The following CDKL4 variants were observed in gnomAD, a reference collection of about 807,000 sequenced individuals.
The protein encoded by CDKL4 is cyclin-dependent kinase-like 4.
Under a neutral mutation model 42.0 loss-of-function variants are expected in CDKL4, and 44 were observed. The observed-to-expected ratio is 1.05, with a 90% CI of 0.82 to 1.35. The LOEUF is 1.35. Ranked by LOEUF, CDKL4 falls within the 40% of genes most tolerant of loss-of-function variation. The pLI is 0.00. For missense variants in CDKL4, 393 were observed against 369.9 expected (o/e 1.06, Z -0.51); for synonymous variants, 120 against 121.6 (o/e 0.99, Z 0.09).
At chr2:39,186,526 T>C (rs1027112607) in intron 7 of CDKL4, among the ~76,000 whole-genome samples, 1 of 152,158 alleles carries the variant, frequency 6.6e-6, no homozygotes, top group Non-Finnish European at 1.5e-5. Flanking sequence ...AGGAAGTCAA[T>C]GTCTACAGAG....
At position 39,213,410 on chromosome 2, in the gene CDKL4, T is replaced by C. The variant is rs758789550; in HGVS notation, c.353A>G (p.His118Arg). 13 of 1,589,352 alleles carry C rather than the reference T, an allele frequency of 8.2e-6. 1 individual carries two copies. In the South Asian group the frequency reaches 1.3e-4, roughly 16 times the overall value. The change falls in exon 4 of 10, where the codon CAT becomes CGT. Residue 118 changes from histidine to arginine, a missense_variant. His to Arg is a conservative substitution (Grantham distance 29, BLOSUM62 0). Coordinates refer to ENST00000451199, the Ensembl canonical transcript of CDKL4. ...GAAAATGTTACTTACGTTATGTATA[T>C]GACAGAAATTAAGAGCTTGAAGTGT...
chr2:39,172,501 G>A (rs1438731505), downstream of CDKL4, among the ~76,000 whole-genome samples: 4 of 152,158 alleles, frequency 2.6e-5, no homozygotes, highest in African/African-American at 9.7e-5. Context: ...CCTGGGCAAC[G>A]CAGGCAGCAG....
chr2:39,226,188 T>C (rs1678702753), intron 2 of CDKL4, among the ~76,000 whole-genome samples: 1 of 151,828 alleles, frequency 6.6e-6, no homozygotes, highest in Non-Finnish European at 1.5e-5. Context: ...GGAAATTCTA[T>C]ATATACAAGT....
rs367830858 is a variant in CDKL4 at position 39,213,371 on chromosome 2, G to C, written c.363+29C>G. 96 of 1,368,446 alleles carry C rather than the reference G, an allele frequency of 7.0e-5. No individual in the cohort carries two copies. In the African/African-American group the frequency reaches 1.3e-3, roughly 18 times the overall value. 84.8% of individuals were successfully genotyped at this position (1,368,446 alleles called of 1,614,324 possible). On this transcript the variant is annotated intron_variant, in intron 4 of 9. Transcript: ENST00000451199. ...AAGAAAAGAGTCATCATGAAGAAAT[G>C]AATAAATACATTAGAAAATGTTACT...
chr2:39,176,065 T>C, exon 10 of CDKL4: 1 of 470,788 alleles, frequency 2.1e-6, no homozygotes, highest in Non-Finnish European at 4.4e-6. Context: ...GGGGGAGATG[T>C]GGCTTCCTGG....
At position 39,221,297 on chromosome 2, in the gene CDKL4, G is replaced by A. The variant is rs138413477; in HGVS notation, c.290+4542C>T. On this transcript the variant is annotated intron_variant, in intron 3 of 9. Transcript: ENST00000451199. ...CCCAAAGTGCTGGGATTACAGGCGT[G>A]AGCCACTGCGCCCGTCCACATTGAT... Among the ~76,000 whole-genome samples, 1,118 of 152,192 alleles carry A rather than the reference G, an allele frequency of 7.3e-3. 12 individuals are homozygous for A. Among genetic ancestry groups the A allele is most frequent in the African/African-American group, 0.026 (1,070 of 41,544 alleles).
At position 39,213,490 on chromosome 2, in the gene CDKL4, A is replaced by G. The variant is rs760237133; in HGVS notation, c.291-18T>C. Reference sequence around the variant, plus strand: ...CAGCAACTCTGAGGGAAAAAATAAAAAAGGAAATGAAAACTCATAGGATAG... The same window carrying G: ...CAGCAACTCTGAGGGAAAAAATAAAGAAGGAAATGAAAACTCATAGGATAG... On this transcript the variant is annotated intron_variant, in intron 3 of 9. Coordinates refer to ENST00000451199, the Ensembl canonical transcript of CDKL4. 3.6e-5 allele frequency: 56 copies of G among 1,572,190 alleles called. No homozygotes were observed. Among genetic ancestry groups the G allele is most frequent in the Non-Finnish European group, 4.7e-5 (54 of 1,142,632 alleles).
At chr2:39,186,405 G>T (rs1461488766) in intron 7 of CDKL4, among the ~76,000 whole-genome samples, 1 of 152,276 alleles carries the variant, frequency 6.6e-6, no homozygotes, top group East Asian at 1.9e-4. Flanking sequence ...TCTGACTCCA[G>T]CATAGTTGGA....
chr2:39,185,393 TATATAC>T (rs1675740674), intron 7 of CDKL4, among the ~76,000 whole-genome samples: 1 of 59,524 alleles, frequency 1.7e-5, no homozygotes, highest in Admixed American at 2.0e-4. Flanking sequence ...TATACATGTA[TATATAC>T]ATATGTGTAT....
chr2:39,246,483 TTC>T (rs776193938), upstream of CDKL4, among the ~76,000 whole-genome samples: 19 of 152,246 alleles, frequency 1.2e-4, no homozygotes, highest in Non-Finnish European at 2.2e-4. Context: ...TCCTAGCTGC[TTC>T]TCTCATAAGG....
intron 5 of CDKL4, among the ~76,000 whole-genome samples, chr2:39,195,997 T>C (rs1235131937): frequency 6.6e-6 from 1 of 152,026 alleles, no homozygotes; most frequent in East Asian, 1.9e-4. Context: ...CACAGACCCT[T>C]TGAAGAAGGT....
intron 5 of CDKL4, among the ~76,000 whole-genome samples, chr2:39,198,260 T>TA (rs55994878): frequency 0.16 from 23,212 of 146,476 alleles, 3,331 homozygotes; most frequent in African/African-American, 0.39. Context: ...TATATAATGA[T>TA]AAAAAAAAAA....
chr2:39,171,836 C>T (rs530091594), downstream of CDKL4, among the ~76,000 whole-genome samples: 2 of 152,140 alleles, frequency 1.3e-5, no homozygotes, highest in South Asian at 2.1e-4. Flanking sequence ...ACCATGATGG[C>T]GCAGTATTTG....
intron 9 of CDKL4, chr2:39,178,505 G>T (rs1675259906): frequency 6.6e-7 from 1 of 1,515,356 alleles, no homozygotes; most frequent in Non-Finnish European, 9.0e-7. Context: ...TTTACAAGGT[G>T]AGAAAAAGCC....
intron 5 of CDKL4, among the ~76,000 whole-genome samples, chr2:39,203,409 T>C (rs1363762712): frequency 1.3e-5 from 2 of 151,716 alleles, no homozygotes; most frequent in Non-Finnish European, 2.9e-5. Flanking sequence ...TTCACTTATT[T>C]TTGTGACAAT....
At chr2:39,207,817 C>A (rs1034387047) in intron 4 of CDKL4, among the ~76,000 whole-genome samples, 7 of 152,104 alleles carry the variant, frequency 4.6e-5, no homozygotes, top group African/African-American at 1.7e-4. Context: ...ACAATTGGAA[C>A]CTGGCTGGGC....
chr2:39,243,452 G>T (rs1326082737), intron 1 of CDKL4, among the ~76,000 whole-genome samples: 1 of 152,172 alleles, frequency 6.6e-6, no homozygotes, highest in South Asian at 2.1e-4. Flanking sequence ...TACAAAATCC[G>T]ATAAAGTAAT....
downstream of CDKL4, among the ~76,000 whole-genome samples, chr2:39,171,171 G>A (rs536700478): frequency 7.2e-5 from 11 of 151,954 alleles, no homozygotes; most frequent in South Asian, 1.3e-3. Context: ...CATGTGAGGT[G>A]GAGGCTGCAG....
chr2:39,212,806 CG>C (rs1479168796), intron 4 of CDKL4, among the ~76,000 whole-genome samples: 6 of 151,992 alleles, frequency 3.9e-5, no homozygotes, highest in African/African-American at 1.5e-4. Flanking sequence ...ATTACAGGTG[CG>C]CACCACCATG....
Sources: allele counts gnomAD v4.1 joint callset (sites outside exome capture counted in the v4.1 genomes callset), GRCh38; gene constraint gnomAD v4.1.1; transcripts MANE v1.5; gene names NCBI Gene and HGNC (gene_info 2026-07-23, HGNC 2026-07-21).